The following PLEKHG1 variants were observed in gnomAD, a reference collection of about 807,000 sequenced individuals.
PLEKHG1 encodes the protein pleckstrin homology and RhoGEF domain containing G1, also known as pleckstrin homology domain-containing family G member 1.
A neutral mutation model predicts 100.8 loss-of-function variants in PLEKHG1; 44 were observed. The ratio of observed to expected loss-of-function variants is 0.44; its 90% CI spans 0.34 to 0.56. The LOEUF (loss-of-function observed/expected upper bound fraction) is 0.56, where lower values mean the gene tolerates loss of function less well. Ranked by LOEUF, PLEKHG1 falls within the 20% of genes least tolerant of loss-of-function variation. PLEKHG1 has a pLI of 0.01. For missense variants in PLEKHG1, 1,545 were observed against 1,720.9 expected (o/e 0.90, Z 1.81); for synonymous variants, 640 against 662.5 (o/e 0.97, Z 0.52).
At chr6:150,761,714 GT>G (rs775551973) in intron 2 of PLEKHG1, among the ~76,000 whole-genome samples, 3 of 152,172 alleles carry the variant, frequency 2.0e-5, no homozygotes, top group Non-Finnish European at 4.4e-5. Flanking sequence ...TCATAGATGT[GT>G]TTTTGCTTAA....
intron 2 of PLEKHG1, among the ~76,000 whole-genome samples, chr6:150,752,684 G>T (rs920335849): frequency 1.6e-4 from 25 of 152,134 alleles, no homozygotes; most frequent in African/African-American, 5.8e-4. Context: ...TCCCTTAACC[G>T]AGGTAAGATG....
chr6:150,812,350 TG>T (rs1054715128), intron 10 of PLEKHG1, among the ~76,000 whole-genome samples: 13 of 151,516 alleles, frequency 8.6e-5, no homozygotes, highest in Non-Finnish European at 1.5e-4. Context: ...AGCAAGCGGG[TG>T]GGGGGATTTG....
intron 2 of PLEKHG1, among the ~76,000 whole-genome samples, chr6:150,638,355 C>T (rs1163775312): frequency 6.6e-6 from 1 of 152,184 alleles, no homozygotes; most frequent in Non-Finnish European, 1.5e-5. Flanking sequence ...TCTCCCAAGT[C>T]TTCTGTAAAA....
intron 3 of PLEKHG1, among the ~76,000 whole-genome samples, chr6:150,660,284 T>A (rs548820978): frequency 6.6e-6 from 1 of 152,330 alleles, no homozygotes; most frequent in East Asian, 1.9e-4. Flanking sequence ...TCCAATATGT[T>A]TGATAAAACT....
intron 2 of PLEKHG1, among the ~76,000 whole-genome samples, chr6:150,646,608 C>T (rs1159252540): frequency 6.6e-6 from 1 of 151,972 alleles, no homozygotes; most frequent in Non-Finnish European, 1.5e-5. Flanking sequence ...TGAAACAGCT[C>T]AAAGAAGGGC....
intron 4 of PLEKHG1, among the ~76,000 whole-genome samples, chr6:150,790,562 A>G (rs1785911900): frequency 6.6e-6 from 1 of 152,182 alleles, no homozygotes; most frequent in Admixed American, 6.5e-5. Flanking sequence ...CGAGAGATCT[A>G]TTCCAAGGAT....
chr6:150,631,088 C>A (rs1187070981), intron 1 of PLEKHG1, among the ~76,000 whole-genome samples: 1 of 152,162 alleles, frequency 6.6e-6, no homozygotes, highest in African/African-American at 2.4e-5. Context: ...TGAGCAAATA[C>A]TGTGGAAGAG....
intron 1 of PLEKHG1, among the ~76,000 whole-genome samples, chr6:150,619,430 T>C (rs570895619): frequency 1.2e-4 from 19 of 152,220 alleles, no homozygotes; most frequent in Non-Finnish European, 2.2e-4. Context: ...ATGTCCATCA[T>C]CCAGCTCAGG....
At chr6:150,837,973 G>A (rs537035558) in intron 15 of PLEKHG1, among the ~76,000 whole-genome samples, 51 of 152,322 alleles carry the variant, frequency 3.3e-4, no homozygotes, top group South Asian at 8.3e-4. Flanking sequence ...GTATAGGTCT[G>A]TAATGAGAAG....
chr6:150,603,631 A>C (rs528049364), intron 1 of PLEKHG1, among the ~76,000 whole-genome samples: 1 of 152,114 alleles, frequency 6.6e-6, no homozygotes, highest in Admixed American at 6.5e-5. Flanking sequence ...AATAGTCTTC[A>C]TGTTTGAGGC....
intron 2 of PLEKHG1, among the ~76,000 whole-genome samples, chr6:150,766,519 G>C (rs112690305): frequency 7.1e-4 from 108 of 152,364 alleles, no homozygotes; most frequent in African/African-American, 2.6e-3. Flanking sequence ...TGATCAGTGG[G>C]GGGGAACAAG....
intron 3 of PLEKHG1, among the ~76,000 whole-genome samples, chr6:150,783,158 G>T (rs2128649551): frequency 7.2e-6 from 1 of 137,976 alleles, no homozygotes; most frequent in East Asian, 2.0e-4. Context: ...AAAGAAATGG[G>T]GAAAAAAAAC....
At chr6:150,786,718 A>T (rs1334963552) in intron 4 of PLEKHG1, among the ~76,000 whole-genome samples, 1 of 151,988 alleles carries the variant, frequency 6.6e-6, no homozygotes, top group Non-Finnish European at 1.5e-5. Context: ...GGGAGGGGAG[A>T]GTCCGGAGTA....
At chr6:150,813,832 A>T (rs192319873) in intron 10 of PLEKHG1, among the ~76,000 whole-genome samples, 196 of 152,202 alleles carry the variant, frequency 1.3e-3, no homozygotes, top group African/African-American at 4.6e-3. Flanking sequence ...TGGTCAAGGA[A>T]CTAGGGTGGT....
chr6:150,818,040 T>C (rs1045368362), intron 10 of PLEKHG1, 143 bp from the exon 12 acceptor site: 1 of 688,232 alleles, frequency 1.5e-6, no homozygotes, highest in Non-Finnish European at 2.5e-6. Context: ...CCCTGCACTG[T>C]GTGTAAATGC....
intron 2 of PLEKHG1, among the ~76,000 whole-genome samples, chr6:150,756,221 A>G (rs962294405): frequency 6.6e-5 from 10 of 152,100 alleles, no homozygotes; most frequent in Admixed American, 1.3e-4. Context: ...GGAACATCCC[A>G]TCACTTTGGC....
intron 6 of PLEKHG1, among the ~76,000 whole-genome samples, chr6:150,804,153 TTTTATATATA>T (rs1400192860): frequency 6.3e-5 from 2 of 31,794 alleles, no homozygotes; most frequent in African/African-American, 4.3e-4. Flanking sequence ...TGTGTAAATA[TTTTATATATA>T]TATATATATA....
In PLEKHG1 at chr6:150,839,801, G is replaced by A. The variant is rs756849878; in HGVS notation, c.3095-32G>A. On this transcript the variant is annotated intron_variant, in intron 15 of 15. Transcript: ENST00000358517. ...TCTTCACGTATAGGAATTATCCTGT[G>A]TGTATTTACTGTTTCAATATTTGCC... 4.9e-6 allele frequency: 6 copies of A among 1,221,710 alleles called. No individual in the cohort carries two copies. The South Asian group carries it at 6.3e-5, about 13-fold the overall frequency. The allele number at this position is 1,221,710 out of a possible 1,614,324, so 75.7% of individuals were successfully genotyped here.
At chr6:150,749,886 A>G (rs1183636094) in intron 2 of PLEKHG1, among the ~76,000 whole-genome samples, 1 of 152,098 alleles carries the variant, frequency 6.6e-6, no homozygotes, top group Non-Finnish European at 1.5e-5. Flanking sequence ...AGCCTGGCCA[A>G]CATAGTGAAA....
Sources: gnomAD v4.1 joint callset for allele counts (sites outside exome capture counted in the v4.1 genomes callset) on GRCh38, gnomAD v4.1.1 for gene constraint, MANE v1.5 for transcripts, NCBI Gene and HGNC (gene_info 2026-07-23, HGNC 2026-07-21) for gene names.